Variants in ZNF154 observed in about 807,000 individuals in gnomAD.
ZNF154 encodes zinc finger protein 154 (pHZ-92).
In ZNF154, 6 loss-of-function variants were observed where a neutral mutation model predicts 7.5. The ratio of observed to expected loss-of-function variants is 0.80; its 90% CI spans 0.44 to 1.57. The LOEUF (loss-of-function observed/expected upper bound fraction) is 1.57, where lower values mean the gene tolerates loss of function less well. ZNF154 is among the 40% of genes most tolerant of loss of function. ZNF154 has a pLI of 0.01. For synonymous variants in ZNF154, 187 were observed against 185.9 expected, an observed-to-expected ratio of 1.01 and a Z score of -0.05; for missense variants, 485 against 531.4, an observed-to-expected ratio of 0.91 and a Z score of 0.86.
rs1405802894 is a variant in ZNF154 at position 57,708,895 on chromosome 19, T to C, written c.33+44A>G. 3.2e-6 allele frequency: 5 copies of C among 1,552,176 alleles called. No individual in the cohort carries two copies. The African/African-American group carries it at 6.8e-5, about 21-fold the overall frequency. ...GCCCCTCACTGATGGCTTTAGAACG[T>C]GGGTGGGGGAAGGTGTGTGAGGACG... is the stretch of plus-strand genomic sequence containing the variant. On this transcript the variant is annotated intron_variant, in intron 1 of 2. Transcript: ENST00000684351.
chr19:57,707,006 G>A (rs370214356), intron 1 of ZNF154, among the ~76,000 whole-genome samples: 202 of 151,804 alleles, frequency 1.3e-3, no homozygotes, highest in African/African-American at 4.3e-3. Flanking sequence ...CCAGCTACTC[G>A]GGAGGCTGAG....
At chr19:57,707,939 A>G (rs1389653198) in intron 1 of ZNF154, among the ~76,000 whole-genome samples, 3 of 152,162 alleles carry the variant, frequency 2.0e-5, no homozygotes, top group Non-Finnish European at 2.9e-5. Context: ...ACAGCACTTA[A>G]GAATACTAGG....
intron 1 of ZNF154, among the ~76,000 whole-genome samples, chr19:57,705,850 T>TG (rs1985366606): frequency 1.3e-5 from 2 of 151,682 alleles, no homozygotes; most frequent in East Asian, 3.9e-4. Context: ...CAGGGTCACA[T>TG]GGGGGTCTAG....
At chr19:57,707,856 T>C (rs1442215615) in intron 1 of ZNF154, among the ~76,000 whole-genome samples, 1 of 152,206 alleles carries the variant, frequency 6.6e-6, no homozygotes, top group East Asian at 1.9e-4. Flanking sequence ...GTATAACCCC[T>C]GTAACCTCTG....
In ZNF154 at chr19:57,701,449, G is replaced by T; in HGVS notation, c.*186C>A. 1.6e-6 allele frequency: 1 copy of T among 645,096 alleles called. No homozygotes were observed. The highest frequency in any genetic ancestry group is 2.6e-6 in the Non-Finnish European group (1 of 381,112). The allele number at this position is 645,096 out of a possible 1,614,324, so 40.0% of individuals were successfully genotyped here. A position where few individuals can be genotyped will look rare whatever the true frequency, so the allele number is the denominator to read the frequency against. ...ATTCAGGCTGATGCCACCCTCATAA[G>T]GGATCTCCTTCAGAGCTGTTATATC... On this transcript the variant is annotated 3_prime_UTR_variant, in exon 3 of 3. Transcript: ENST00000684351.
chr19:57,706,223 C>T (rs750003923), intron 1 of ZNF154, among the ~76,000 whole-genome samples: 5 of 152,182 alleles, frequency 3.3e-5, no homozygotes, highest in Non-Finnish European at 7.3e-5. Context: ...TCTCCCAGGG[C>T]ATCCACTAGT....
intron 1 of ZNF154, among the ~76,000 whole-genome samples, chr19:57,707,109 A>C (rs1985424201): frequency 1.4e-5 from 2 of 141,290 alleles, no homozygotes; most frequent in South Asian, 4.5e-4. Flanking sequence ...GAGACACTCC[A>C]TCTCAAAAAA....
chr19:57,704,400 T>C (rs192232333), intron 2 of ZNF154, among the ~76,000 whole-genome samples: 184 of 152,248 alleles, frequency 1.2e-3, no homozygotes, highest in African/African-American at 4.4e-3. Context: ...ACACAAATAC[T>C]ACAAAGAAAA....
intron 2 of ZNF154, among the ~76,000 whole-genome samples, chr19:57,704,561 A>G (rs1985309344): frequency 6.6e-6 from 1 of 152,150 alleles, no homozygotes; most frequent in Non-Finnish European, 1.5e-5. Context: ...AAATCTGGAA[A>G]AAGTCACCCA....
rs771011855 is a variant in ZNF154, at chr19:57,699,698, G to A, written c.*1937C>T. The A allele has an allele frequency of 1.9e-5, 3 of 158,804 alleles. No homozygotes were observed. Among genetic ancestry groups the A allele is most frequent in the Non-Finnish European group, 2.8e-5 (2 of 70,610 alleles). The allele number at this position is 158,804 out of a possible 1,614,324, so 9.8% of individuals were successfully genotyped here. A position where few individuals can be genotyped will look rare whatever the true frequency, so the allele number is the denominator to read the frequency against. Reference sequence around the variant, plus strand: ...GAATGGTGAAAAAGCTTGGCTGGGCGCAGTGGCTCATGCCTGTAAATCCCA... The same window carrying A: ...GAATGGTGAAAAAGCTTGGCTGGGCACAGTGGCTCATGCCTGTAAATCCCA... On this transcript the variant is annotated 3_prime_UTR_variant, in exon 3 of 3. Coordinates refer to ENST00000684351, the MANE Select transcript of ZNF154 (RefSeq NM_001085384.3).
chr19:57,701,498 A>G lies in ZNF154; in HGVS notation c.*137T>C. On this transcript the variant is annotated 3_prime_UTR_variant, in exon 3 of 3. Transcript: ENST00000684351. ...TCAACTGGACATCCCTACATATCAA[A>G]AGTGTCTTTCCCTTGTGAACTGTGT... The G allele has an allele frequency of 2.1e-6, 2 of 933,052 alleles. No individual in the cohort carries two copies. Among genetic ancestry groups the G allele is most frequent in the Non-Finnish European group, 3.1e-6 (2 of 635,138 alleles). 57.8% of individuals were successfully genotyped at this position (933,052 alleles called of 1,614,324 possible).
At chr19:57,702,906 C>T (rs750660047) in intron 2 of ZNF154, 118 bp from the exon 3 acceptor site, 54 of 1,000,858 alleles carry the variant, frequency 5.4e-5, no homozygotes, top group Non-Finnish European at 6.8e-5. Context: ...CTACACGTCT[C>T]ACAGTGGTGG....
rs776549752 is a variant in ZNF154 at position 57,702,305 on chromosome 19, C to T, written c.644G>A (p.Arg215Gln). ...TCCACATTCATCACATTCATGAGGTCGTACTGCAGTGTGAACTCTCCGGTG... is the reference window on the plus strand; with the variant it reads ...TCCACATTCATCACATTCATGAGGTTGTACTGCAGTGTGAACTCTCCGGTG... ...IQHRRVHTAV[R>Q]PHECDECGKL... Residue 215 changes from arginine to glutamine, a missense_variant, in exon 3 of 3, where the codon CGA (arginine) becomes CAA (glutamine). Physicochemically the swap from Arg to Gln is conservative, Grantham distance 43. Coordinates refer to ENST00000684351, the MANE Select transcript of ZNF154 (RefSeq NM_001085384.3). The T allele has an allele frequency of 2.5e-5, 41 of 1,612,802 alleles. No individual in the cohort carries two copies. Among genetic ancestry groups the T allele is most frequent in the South Asian group, 3.3e-5 (3 of 91,062 alleles).
At chr19:57,707,026 T>C (rs1430864337) in intron 1 of ZNF154, among the ~76,000 whole-genome samples, 1 of 149,700 alleles carries the variant, frequency 6.7e-6, no homozygotes, top group Non-Finnish European at 1.5e-5. Flanking sequence ...GGCAGGAGAA[T>C]TGCTTGAAGC....
In ZNF154 at chr19:57,702,400, G is replaced by T. The variant is rs747629005; in HGVS notation, c.549C>A (p.His183Gln). The T allele has an allele frequency of 1.2e-6, 2 of 1,612,722 alleles. No homozygotes were observed. Among genetic ancestry groups the T allele is most frequent in the Non-Finnish European group, 1.7e-6 (2 of 1,178,862 alleles). The change falls in exon 3 of 3, where the codon CAC (histidine) becomes CAA (glutamine). Residue 183 changes from histidine to glutamine, a missense_variant. Transcript: ENST00000684351. ...GACATTCATAAGGCTTTTCTCCAGT[G>T]TGAAGTCTCCAATGGTCATTGAGAC... ...SYSLNDHWRL[H>Q]TGEKPYECRE...
chr19:57,702,910 G>A (rs929925808), intron 2 of ZNF154, 122 bp from the exon 3 acceptor site: 1 of 945,736 alleles, frequency 1.1e-6, no homozygotes, highest in Non-Finnish European at 1.5e-6. Flanking sequence ...ACGTCTCACA[G>A]TGGTGGGCCT....
intron 2 of ZNF154, among the ~76,000 whole-genome samples, chr19:57,704,355 C>G (rs1309988850): frequency 6.6e-6 from 1 of 152,136 alleles, no homozygotes; most frequent in African/African-American, 2.4e-5. Flanking sequence ...ACAAAAAACT[C>G]AGCACATGAC....
rs935241476 is a variant in ZNF154 at position 57,697,850 on chromosome 19, G to T, written c.*3785C>A. Reference sequence around the variant, plus strand: ...TTTGTAATTGAACACAGCTGTAACAGGAGACAAAATATGTCATTGTACCAG... The same window carrying T: ...TTTGTAATTGAACACAGCTGTAACATGAGACAAAATATGTCATTGTACCAG... On this transcript the variant is annotated 3_prime_UTR_variant, in exon 3 of 3. Coordinates refer to ENST00000684351, the MANE Select transcript of ZNF154 (RefSeq NM_001085384.3). The T allele has an allele frequency of 2.0e-5, 3 of 151,950 alleles. No homozygotes were observed. Among genetic ancestry groups the T allele is most frequent in the African/African-American group, 7.3e-5 (3 of 41,352 alleles). The allele number at this position is 151,950 out of a possible 1,614,324, so 9.4% of individuals were successfully genotyped here. A position where few individuals can be genotyped will look rare whatever the true frequency, so the allele number is the denominator to read the frequency against.
Position 57,699,524 on chromosome 19 carries a change from C to A in ZNF154, c.*2111G>T. On this transcript the variant is annotated 3_prime_UTR_variant, in exon 3 of 3. Coordinates refer to ENST00000684351, the MANE Select transcript of ZNF154 (RefSeq NM_001085384.3). ...GAAGTTTTGCAAAGGAGACAAGAGC[C>A]TTGAAGAGAAGTAGTGGCCAGCCAC... The A allele has an allele frequency of 6.6e-6, 2 of 303,980 alleles. No individual in the cohort carries two copies. The highest frequency in any genetic ancestry group is 1.3e-5 in the Non-Finnish European group (2 of 149,026). 18.8% of individuals were successfully genotyped at this position (303,980 alleles called of 1,614,324 possible).
Sources: gnomAD v4.1 joint callset for allele counts (sites outside exome capture counted in the v4.1 genomes callset) on GRCh38, gnomAD v4.1.1 for gene constraint, MANE v1.5 for transcripts, NCBI Gene and HGNC (gene_info 2026-07-23, HGNC 2026-07-21) for gene names.